Variants in BNIP3 observed in about 807,000 individuals in gnomAD.
The protein encoded by BNIP3 is BCL2/adenovirus E1B 19 kDa protein-interacting protein 3.
In BNIP3, 16 loss-of-function variants were observed where a neutral mutation model predicts 23.9. The ratio of observed to expected loss-of-function variants is 0.67; its 90% confidence interval spans 0.45 to 1.01. The LOEUF is 1.01. BNIP3 is among the 50% of genes least tolerant of loss of function. The pLI is 0.00. For missense variants in BNIP3, 198 were observed against 248.7 expected, an observed-to-expected ratio of 0.80 and a Z score of 1.37; for synonymous variants, 81 against 89.3, an observed-to-expected ratio of 0.91 and a Z score of 0.53.
chr10:131,977,651 C>T (rs2037090313), intron 1 of BNIP3, among the ~76,000 whole-genome samples: 1 of 152,152 alleles, frequency 6.6e-6, no homozygotes, highest in Non-Finnish European at 1.5e-5. Flanking sequence ...TAGAGAGGAG[C>T]CCCTATGGCC....
chr10:131,979,130 G>A (rs143047959), intron 1 of BNIP3, among the ~76,000 whole-genome samples: 324 of 152,308 alleles, frequency 2.1e-3, no homozygotes, highest in African/African-American at 7.4e-3. Flanking sequence ...GTATCCCACT[G>A]CTGCCTCATG....
In BNIP3 at chr10:131,974,789, T is replaced by C. The variant is rs1159915212; in HGVS notation, c.47-846A>G. Among the ~76,000 whole-genome samples, 10 of 152,326 alleles carry C rather than the reference T, an allele frequency of 6.6e-5. No individual in the cohort carries two copies. The South Asian group carries it at 2.1e-3, about 32-fold the overall frequency. ...CTGGATAGCATCTTTTTTGAACTGG[T>C]TCTTCGAATCTCTTATTCTTTTCTA... On this transcript the variant is annotated intron_variant, in intron 1 of 5. Transcript: ENST00000368636.
At chr10:131,973,538 T>C in intron 2 of BNIP3, 1 of 535,460 alleles carries the variant, frequency 1.9e-6, no homozygotes, top group Non-Finnish European at 3.3e-6. Flanking sequence ...TTTCTCAGAG[T>C]GGGGTTTGTG....
intron 1 of BNIP3, among the ~76,000 whole-genome samples, chr10:131,978,412 C>A (rs1404256844): frequency 1.3e-5 from 2 of 151,972 alleles, no homozygotes; most frequent in Non-Finnish European, 2.9e-5. Flanking sequence ...ATCTGACATC[C>A]AGCTTTTCTA....
At position 131,971,177 on chromosome 10, in the gene BNIP3, C is replaced by T. The variant is rs1016850486; in HGVS notation, c.283-207G>A. ...CACTCCCGGCTCACAGCACGCTCGC[C>T]GCCTCCAGGGACAGATCACCTCTGG... On this transcript the variant is annotated intron_variant, in intron 3 of 5. Transcript: ENST00000368636. 1.0e-4 allele frequency: 59 copies of T among 575,272 alleles called. 1 individual carries two copies. The highest frequency in any genetic ancestry group is 6.8e-4 in the East Asian group (23 of 33,662). The allele number at this position is 575,272 out of a possible 1,614,324, so 35.6% of individuals were successfully genotyped here.
rs1220995595 is a variant in BNIP3, at chr10:131,981,853, G to A, written c.-47C>T. 9 of 1,413,460 alleles carry A rather than the reference G, an allele frequency of 6.4e-6. No individual in the cohort carries two copies. The highest frequency in any genetic ancestry group is 6.4e-6 in the Non-Finnish European group (7 of 1,089,048). 87.6% of individuals were successfully genotyped at this position (1,413,460 alleles called of 1,614,324 possible). On this transcript the variant is annotated 5_prime_UTR_variant, in exon 1 of 6. Coordinates refer to ENST00000368636, the MANE Select transcript of BNIP3 (RefSeq NM_004052.4). ...CGATCGGAGTCCGCGCCGGGCTGCGGGATGTGCTTCAGCTGCGGGCGGTGG... is the reference window on the plus strand; with the variant it reads ...CGATCGGAGTCCGCGCCGGGCTGCGAGATGTGCTTCAGCTGCGGGCGGTGG...
In BNIP3 at chr10:131,970,488, C is replaced by T; in HGVS notation, c.539+150G>A. ...GGGCTGCAGGCTGGTGGTTTCTGGA[C>T]CTGAACAGTGACTACGTGGGTGTTT... is the stretch of plus-strand genomic sequence containing the variant. On this transcript the variant is annotated intron_variant, in intron 5 of 5. Transcript: ENST00000368636. The surrounding 1 kb of genome is among the most constrained non-coding windows in gnomAD (Gnocchi z 4.1). 8 of 1,191,678 alleles carry T rather than the reference C, an allele frequency of 6.7e-6. No individual in the cohort carries two copies. In the South Asian group the frequency reaches 7.9e-5, roughly 12 times the overall value. The allele number at this position is 1,191,678 out of a possible 1,614,324, so 73.8% of individuals were successfully genotyped here. A position where few individuals can be genotyped will look rare whatever the true frequency, so the allele number is the denominator to read the frequency against.
intron 5 of BNIP3, chr10:131,968,780 T>A (rs1254181545): frequency 2.1e-6 from 1 of 465,160 alleles, no homozygotes; most frequent in Non-Finnish European, 3.9e-6. Context: ...TTAGAAAACA[T>A]CAGATCGTAT....
rs45494294 is a variant in BNIP3, at chr10:131,973,204, G to A, written c.198-86C>T. 2.4e-4 allele frequency: 332 copies of A among 1,384,022 alleles called. 1 individual carries two copies. The East Asian group carries it at 6.9e-3, about 29-fold the overall frequency. 85.7% of individuals were successfully genotyped at this position (1,384,022 alleles called of 1,614,324 possible). ...GCTCAAACCCCAAAGGCAGTGAACC[G>A]CCTCCGTGATGAGGGGCTCTAGCCA... On this transcript the variant is annotated intron_variant, in intron 2 of 5. Transcript: ENST00000368636.
rs936619015 is a variant in BNIP3 at position 131,981,895 on chromosome 10, G to A, written c.-89C>T. 6 of 1,351,192 alleles carry A rather than the reference G, an allele frequency of 4.4e-6. No homozygotes were observed. In the Admixed American group the frequency reaches 1.2e-4, roughly 27 times the overall value. The allele number at this position is 1,351,192 out of a possible 1,614,324, so 83.7% of individuals were successfully genotyped here. ...GGGCGGTGGGAAAGCGGAGGTCGGA[G>A]CGCCGCGGCCCAGCTGCGCTCCCGG... is the stretch of plus-strand genomic sequence containing the variant. On this transcript the variant is annotated 5_prime_UTR_variant, in exon 1 of 6. Coordinates refer to ENST00000368636, the MANE Select transcript of BNIP3 (RefSeq NM_004052.4).
chr10:131,975,875 G>C (rs1313082834), intron 1 of BNIP3, among the ~76,000 whole-genome samples: 2 of 152,176 alleles, frequency 1.3e-5, no homozygotes, highest in African/African-American at 2.4e-5. Context: ...CTAATACAAA[G>C]GCAAGCCAGG....
At chr10:131,973,632 C>G in intron 2 of BNIP3, 161 bp downstream of exon 2, 11 of 916,382 alleles carry the variant, frequency 1.2e-5, no homozygotes, top group Non-Finnish European at 1.8e-5. Flanking sequence ...GAGGGCGAGG[C>G]TCCTATATAA....
intron 1 of BNIP3, 108 bp from the exon 2 acceptor site, chr10:131,974,051 G>T: frequency 7.1e-7 from 1 of 1,407,068 alleles, no homozygotes. Context: ...TAGCAATGGT[G>T]CCACACCAGG....
At position 131,970,848 on chromosome 10, in the gene BNIP3, C is replaced by A. The variant is rs370763039; in HGVS notation, c.389+16G>T. ...TCTGTCAAGGGGTGCCCCCGTGACA[C>A]TGAGAACACACTCACTTGGGGGGAA... On this transcript the variant is annotated intron_variant, in intron 4 of 5. Transcript: ENST00000368636. This position sits in a 1 kb window ranked among gnomAD's most constrained non-coding sequence, Gnocchi z 4.1. 6.8e-6 allele frequency: 11 copies of A among 1,614,106 alleles called. No homozygotes were observed. The African/African-American group carries it at 1.5e-4, about 22-fold the overall frequency.
At chr10:131,981,724 C>A in intron 1 of BNIP3, 37 bp downstream of exon 1, 2 of 1,463,308 alleles carry the variant, frequency 1.4e-6, no homozygotes, top group Non-Finnish European at 1.8e-6. Context: ...TTCCCCCCCG[C>A]GCCCCCTCGG....
At position 131,976,370 on chromosome 10, in the gene BNIP3, C is replaced by T. The variant is rs776834084; in HGVS notation, c.47-2427G>A. ...CTATCTACCTAGACTTAGTGTGGAG[C>T]CCACAAGACTGTTCCCACAGATGCA... is the stretch of plus-strand genomic sequence containing the variant. On this transcript the variant is annotated intron_variant, in intron 1 of 5. Transcript: ENST00000368636. This position sits in a 1 kb window ranked among gnomAD's most constrained non-coding sequence, Gnocchi z 4.3. Among the ~76,000 whole-genome samples the T allele has an allele frequency of 1.3e-5, 2 of 152,096 alleles. No homozygotes were observed. Among genetic ancestry groups the T allele is most frequent in the Non-Finnish European group, 2.9e-5 (2 of 68,022 alleles).
chr10:131,979,949 G>A (rs1360564613), intron 1 of BNIP3, among the ~76,000 whole-genome samples: 3 of 152,216 alleles, frequency 2.0e-5, no homozygotes, highest in Admixed American at 2.0e-4. Flanking sequence ...GCTCCGTCCC[G>A]GATTTGCAGG....
At chr10:131,972,913 A>T (rs2037048018) in intron 3 of BNIP3, 121 bp downstream of exon 3, 27 of 922,660 alleles carry the variant, frequency 2.9e-5, no homozygotes, top group Admixed American at 5.2e-5. Context: ...TGTTTTTTTT[A>T]AAGCAGGAAA....
chr10:131,976,685 T>C lies in BNIP3; in HGVS notation c.47-2742A>G, dbSNP rs139490377. Among the ~76,000 whole-genome samples the C allele has an allele frequency of 1.1e-4, 16 of 151,966 alleles. No homozygotes were observed. In the East Asian group the frequency reaches 3.1e-3, roughly 29 times the overall value. On this transcript the variant is annotated intron_variant, in intron 1 of 5. Coordinates refer to ENST00000368636, the MANE Select transcript of BNIP3 (RefSeq NM_004052.4). This position sits in a 1 kb window ranked among gnomAD's most constrained non-coding sequence, Gnocchi z 4.3. Reference sequence around the variant, plus strand: ...CATGTCCCAACCCTAACCCCAACCATGCTACCCGCACCTCATGGCTCCCCC... The same window carrying C: ...CATGTCCCAACCCTAACCCCAACCACGCTACCCGCACCTCATGGCTCCCCC...
Sources: allele counts gnomAD v4.1 joint callset (sites outside exome capture counted in the v4.1 genomes callset), GRCh38; gene constraint gnomAD v4.1.1; non-coding constraint Gnocchi (gnomAD v3.1); transcripts MANE v1.5; gene names NCBI Gene and HGNC (gene_info 2026-07-23, HGNC 2026-07-21).